THSD4: variants seen among roughly 807,000 people sequenced by gnomAD.
THSD4 encodes the protein thrombospondin type 1 domain containing 4.
A neutral mutation model predicts 119.0 loss-of-function variants in THSD4; 69 were observed. The ratio of observed to expected loss-of-function variants is 0.58; its 90% CI spans 0.48 to 0.71. THSD4 has a LOEUF of 0.71. THSD4 is among the 30% of genes least tolerant of loss of function. The pLI is 0.00. For synonymous variants in THSD4, 524 were observed against 540.4 expected (o/e 0.97, Z 0.42); for missense variants, 1,393 against 1,391.1 (o/e 1.00, Z -0.02).
intron 6 of THSD4, among the ~76,000 whole-genome samples, chr15:71,403,171 ATT>A (rs1385989626): frequency 2.0e-5 from 3 of 151,966 alleles, no homozygotes; most frequent in African/African-American, 7.3e-5. Context: ...TGGCTTAGAT[ATT>A]CTATCTCCTG....
chr15:71,538,834 C>T (rs2048721140), intron 7 of THSD4, among the ~76,000 whole-genome samples: 1 of 152,242 alleles, frequency 6.6e-6, no homozygotes, highest in South Asian at 2.1e-4. Context: ...ACTAGCTCCC[C>T]TGTGTGCTGT....
intron 7 of THSD4, among the ~76,000 whole-genome samples, chr15:71,552,276 T>C (rs1406869880): frequency 6.6e-6 from 1 of 152,236 alleles, no homozygotes; most frequent in Non-Finnish European, 1.5e-5. Flanking sequence ...AAGATTATCT[T>C]TTTATGACGT....
intron 8 of THSD4, among the ~76,000 whole-genome samples, chr15:71,680,096 C>T (rs368730533): frequency 1.6e-4 from 24 of 152,234 alleles, no homozygotes; most frequent in East Asian, 1.2e-3. Context: ...GTAGAAAAGA[C>T]GGATAAATAA....
At chr15:71,759,286 G>A (rs142756022) in intron 15 of THSD4, among the ~76,000 whole-genome samples, 179 of 152,238 alleles carry the variant, frequency 1.2e-3, no homozygotes, top group African/African-American at 4.2e-3. Flanking sequence ...AGTACTTCCA[G>A]TGCTACTCTG....
At chr15:71,619,393 C>T (rs1054436575) in intron 7 of THSD4, among the ~76,000 whole-genome samples, 14 of 152,118 alleles carry the variant, frequency 9.2e-5, no homozygotes, top group African/African-American at 2.9e-4. Context: ...GGTTTCTCTG[C>T]GGACCCAGGA....
At position 71,191,904 on chromosome 15, in the gene THSD4, C is replaced by CTT. The variant is rs11452105; in HGVS notation, c.100-23116_100-23115dup. On this transcript the variant is annotated intron_variant, in intron 3 of 17. Coordinates refer to ENST00000261862, the MANE Select transcript of THSD4 (RefSeq NM_024817.3). Reference sequence around the variant, plus strand: ...TATGCTTTGCCTTCTTCTTCTTCTTCTTTTTTTTTTTTTTTTGAGATGGAA... The same window carrying CTT: ...TATGCTTTGCCTTCTTCTTCTTCTTCTTTTTTTTTTTTTTTTTTGAGATGGAA... Among the ~76,000 whole-genome samples, 148 of 142,450 alleles carry CTT rather than the reference C, an allele frequency of 1.0e-3. 2 individuals carry two copies. Among genetic ancestry groups the CTT allele is most frequent in the South Asian group, 4.9e-3 (22 of 4,486 alleles). The allele number at this position is 142,450 out of a possible 152,430, so 93.5% of individuals were successfully genotyped here. A position where few individuals can be genotyped will look rare whatever the true frequency, so the allele number is the denominator to read the frequency against.
intron 7 of THSD4, among the ~76,000 whole-genome samples, chr15:71,485,817 G>A (rs1337172468): frequency 6.6e-6 from 1 of 152,174 alleles, no homozygotes; most frequent in Non-Finnish European, 1.5e-5. Flanking sequence ...TATCAACAGT[G>A]CATAGCTTTC....
chr15:71,774,914 A>G (rs1025796009), intron 17 of THSD4, among the ~76,000 whole-genome samples: 2 of 152,220 alleles, frequency 1.3e-5, no homozygotes, highest in African/African-American at 4.8e-5. Flanking sequence ...TGGGAGGCCA[A>G]GGCAGGCGGA....
At chr15:71,389,914 A>T (rs2046353138) in intron 6 of THSD4, among the ~76,000 whole-genome samples, 1 of 143,206 alleles carries the variant, frequency 7.0e-6, no homozygotes. Flanking sequence ...GGTTCAAGTG[A>T]TTCTTCTGCC....
At chr15:71,366,783 C>G (rs1321094111) in intron 6 of THSD4, among the ~76,000 whole-genome samples, 1 of 152,188 alleles carries the variant, frequency 6.6e-6, no homozygotes, top group Non-Finnish European at 1.5e-5. Context: ...TTTGCTCATA[C>G]CACTGGACAC....
At chr15:71,153,706 T>G (rs1003335157) in intron 2 of THSD4, among the ~76,000 whole-genome samples, 1 of 152,186 alleles carries the variant, frequency 6.6e-6, no homozygotes, top group Non-Finnish European at 1.5e-5. Flanking sequence ...TTTTTCTTGG[T>G]TCGGGGCAGT....
At chr15:71,437,863 G>T (rs2047035203) in intron 7 of THSD4, among the ~76,000 whole-genome samples, 1 of 152,172 alleles carries the variant, frequency 6.6e-6, no homozygotes. Flanking sequence ...CCACTTTTTG[G>T]CTATTTGCCA....
Position 71,132,335 on chromosome 15 carries a change from A to G in THSD4, c.-79-9114A>G, listed in dbSNP as rs187473276. On this transcript the variant is annotated intron_variant, in intron 1 of 17. Coordinates refer to ENST00000261862, the MANE Select transcript of THSD4 (RefSeq NM_024817.3). The stretch of plus-strand genomic sequence containing the variant: ...TTATTAGATGTGTTATCAGGCATTC[A>G]TAGGGTGGACTATTTTGCAGTGATT... 1.7e-3 allele frequency among the ~76,000 whole-genome samples: 254 copies of G among 152,332 alleles called. 1 individual carries two copies. The highest frequency in any genetic ancestry group is 0.01 in the Middle Eastern group (3 of 294).
intron 6 of THSD4, among the ~76,000 whole-genome samples, chr15:71,357,481 G>C (rs1394648733): frequency 2.0e-5 from 3 of 152,156 alleles, no homozygotes; most frequent in Non-Finnish European, 4.4e-5. Flanking sequence ...TCTCTAAGAG[G>C]GCGTGGGCTG....
intron 8 of THSD4, among the ~76,000 whole-genome samples, chr15:71,694,567 G>T (rs912535910): frequency 6.6e-6 from 1 of 152,130 alleles, no homozygotes; most frequent in East Asian, 1.9e-4. Context: ...ATATGCAATT[G>T]TAAGAAATAA....
intron 7 of THSD4, among the ~76,000 whole-genome samples, chr15:71,456,528 C>G (rs1433481915): frequency 6.6e-6 from 1 of 152,116 alleles, no homozygotes; most frequent in African/African-American, 2.4e-5. Context: ...GTTACCATCC[C>G]CATTTCACAG....
At chr15:71,584,572 A>G (rs1376280780) in intron 7 of THSD4, among the ~76,000 whole-genome samples, 2 of 152,142 alleles carry the variant, frequency 1.3e-5, no homozygotes, top group South Asian at 2.1e-4. Context: ...CCCAGCCTTG[A>G]CTTTTTTCAC....
chr15:71,234,711 C>G (rs1372161151), intron 4 of THSD4, among the ~76,000 whole-genome samples: 1 of 152,208 alleles, frequency 6.6e-6, no homozygotes, highest in African/African-American at 2.4e-5. Context: ...GACTTTGGCT[C>G]TTGACGGATA....
intron 3 of THSD4, among the ~76,000 whole-genome samples, chr15:71,214,600 G>T (rs1330672080): frequency 2.6e-5 from 4 of 152,230 alleles, no homozygotes; most frequent in Admixed American, 1.3e-4. Flanking sequence ...GGTGGCAGGG[G>T]TGTAATCATA....
Sources: gnomAD v4.1 joint callset for allele counts (sites outside exome capture counted in the v4.1 genomes callset) on GRCh38, gnomAD v4.1.1 for gene constraint, MANE v1.5 for transcripts, NCBI Gene and HGNC (gene_info 2026-07-23, HGNC 2026-07-21) for gene names.